CNBD1: variants seen among roughly 807,000 people sequenced by gnomAD.
CNBD1 encodes the protein cyclic nucleotide-binding domain-containing protein 1.
In CNBD1, 71 loss-of-function variants were observed where a neutral mutation model predicts 54.4. That is an observed-to-expected ratio of 1.30 (90% CI 1.08 to 1.59). CNBD1 has a LOEUF of 1.59. Among genes scored for constraint, CNBD1 ranks in the 40% most tolerant of loss-of-function variants. The pLI is 0.00. For synonymous variants in CNBD1, 182 were observed against 170.7 expected (o/e 1.07, Z -0.51); for missense variants, 659 against 518.0 (o/e 1.27, Z -2.64).
chr8:87,183,934 C>T (rs1378137505), intron 4 of CNBD1, among the ~76,000 whole-genome samples: 1 of 152,186 alleles, frequency 6.6e-6, no homozygotes, highest in Non-Finnish European at 1.5e-5. Flanking sequence ...TCCCAGTTCA[C>T]TGGCGACAAC....
chr8:87,106,921 C>CTGAGG (rs1811551366), intron 4 of CNBD1, among the ~76,000 whole-genome samples: 2 of 150,954 alleles, frequency 1.3e-5, no homozygotes, highest in African/African-American at 4.9e-5. Flanking sequence ...CCTCCACCTC[C>CTGAGG]CAAGTTCAAG....
intron 3 of CNBD1, among the ~76,000 whole-genome samples, chr8:86,913,815 G>T (rs947693201): frequency 5.3e-5 from 8 of 152,272 alleles, no homozygotes; most frequent in Non-Finnish European, 1.0e-4. Context: ...AAGCGTGGGG[G>T]TGCTGCAGGA....
In CNBD1 at chr8:87,047,434, A is replaced by G. The variant is rs533382262; in HGVS notation, c.431+107680A>G. Among the ~76,000 whole-genome samples, 341 of 152,296 alleles carry G rather than the reference A, an allele frequency of 2.2e-3. 1 individual carries two copies. The highest frequency in any genetic ancestry group is 7.8e-3 in the African/African-American group (323 of 41,558). Reference sequence around the variant, plus strand: ...CAAATTGTTCAGGGAAAACCCAGCAATTAGTCTTGCTGTATAGATGAGCAA... The same window carrying G: ...CAAATTGTTCAGGGAAAACCCAGCAGTTAGTCTTGCTGTATAGATGAGCAA... On this transcript the variant is annotated intron_variant, in intron 4 of 10. Coordinates refer to ENST00000518476, the MANE Select transcript of CNBD1 (RefSeq NM_173538.3).
chr8:86,893,277 G>A (rs1266246573), intron 2 of CNBD1, among the ~76,000 whole-genome samples: 2 of 152,136 alleles, frequency 1.3e-5, no homozygotes, highest in Admixed American at 6.5e-5. Flanking sequence ...TTGTTTAGGC[G>A]GGATTTTCTA....
intron 10 of CNBD1, among the ~76,000 whole-genome samples, chr8:87,372,991 A>G (rs985204342): frequency 2.0e-5 from 3 of 151,748 alleles, no homozygotes; most frequent in Admixed American, 6.6e-5. Flanking sequence ...TGTTACTTTA[A>G]GTAGTTTTAA....
At chr8:86,936,832 A>G (rs924424864) in intron 3 of CNBD1, among the ~76,000 whole-genome samples, 1 of 152,164 alleles carries the variant, frequency 6.6e-6, no homozygotes, top group Non-Finnish European at 1.5e-5. Context: ...GATTTTACCC[A>G]GTATCAAGTT....
intron 6 of CNBD1, among the ~76,000 whole-genome samples, chr8:87,240,065 AACACACACACAC>A (rs10608912): frequency 3.6e-3 from 527 of 146,522 alleles, no homozygotes; most frequent in Admixed American, 6.3e-3. Context: ...TCTGTGCCAA[AACACACACACAC>A]ACACACACAC....
intron 5 of CNBD1, among the ~76,000 whole-genome samples, chr8:87,226,305 C>G (rs1814489672): frequency 6.7e-6 from 1 of 150,370 alleles, no homozygotes; most frequent in South Asian, 2.1e-4. Flanking sequence ...TTTGCTCGTG[C>G]TTTTCTAGTT....
intron 4 of CNBD1, among the ~76,000 whole-genome samples, chr8:87,100,204 G>A (rs569000890): frequency 1.3e-5 from 2 of 152,134 alleles, no homozygotes; most frequent in African/African-American, 4.8e-5. Flanking sequence ...AGAAGTTTCA[G>A]TGGTGTTAGG....
intron 4 of CNBD1, among the ~76,000 whole-genome samples, chr8:87,127,296 A>G (rs1417278037): frequency 6.6e-6 from 1 of 152,096 alleles, no homozygotes; most frequent in African/African-American, 2.4e-5. Flanking sequence ...CGAACACAAT[A>G]TAGCTCTCCA....
intron 4 of CNBD1, among the ~76,000 whole-genome samples, chr8:86,988,143 G>GTTTTTTTTTTTTTTTTTTT: frequency 7.4e-6 from 1 of 134,354 alleles, no homozygotes; most frequent in Non-Finnish European, 1.6e-5. Context: ...TGGTTGATAG[G>GTTTTTTTTTTTTTTTTTTT]TTTTTTTTTT....
intron 4 of CNBD1, among the ~76,000 whole-genome samples, chr8:86,959,842 CCTT>C (rs1313675692): frequency 4.6e-5 from 7 of 152,176 alleles, no homozygotes; most frequent in Admixed American, 2.0e-4. Flanking sequence ...TCATCTGAAG[CCTT>C]CTTCTCTCCA....
chr8:87,414,404 G>A (rs1807803219), intron 2 of CNBD1, among the ~76,000 whole-genome samples: 1 of 152,038 alleles, frequency 6.6e-6, no homozygotes, highest in South Asian at 2.1e-4. Flanking sequence ...GATAGCATTA[G>A]GAGATATACC....
intron 4 of CNBD1, among the ~76,000 whole-genome samples, chr8:86,984,689 A>C (rs1808565691): frequency 6.6e-6 from 1 of 152,162 alleles, no homozygotes; most frequent in Non-Finnish European, 1.5e-5. Context: ...TTGGACTTGC[A>C]TGAGGCCTGC....
At chr8:86,890,507 T>G (rs1808752498) in intron 2 of CNBD1, among the ~76,000 whole-genome samples, 1 of 152,188 alleles carries the variant, frequency 6.6e-6, no homozygotes, top group Non-Finnish European at 1.5e-5. Flanking sequence ...TTAGGTTGAT[T>G]TCACATTTTG....
chr8:87,402,352 C>T (rs566515188), intron 2 of CNBD1, among the ~76,000 whole-genome samples: 1 of 152,010 alleles, frequency 6.6e-6, no homozygotes, highest in South Asian at 2.1e-4. Context: ...TTTCAGGAAG[C>T]ATTCTTTTTC....
At chr8:87,075,079 A>G (rs1339957377) in intron 4 of CNBD1, among the ~76,000 whole-genome samples, 1 of 152,184 alleles carries the variant, frequency 6.6e-6, no homozygotes, top group Non-Finnish European at 1.5e-5. Context: ...TATGAATATT[A>G]AATAAGTTAT....
At chr8:87,203,340 G>C (rs1563506260) in intron 4 of CNBD1, among the ~76,000 whole-genome samples, 1 of 152,026 alleles carries the variant, frequency 6.6e-6, no homozygotes, top group Non-Finnish European at 1.5e-5. Flanking sequence ...GTTTATATAT[G>C]TACACACTTA....
In CNBD1 at chr8:87,229,703, A is replaced by G. The variant is rs1009684955; in HGVS notation, c.578-7216A>G. On this transcript the variant is annotated intron_variant, in intron 5 of 10. Coordinates refer to ENST00000518476, the MANE Select transcript of CNBD1 (RefSeq NM_173538.3). ...TAAATTTTTTGTTTGAATAAGGATC[A>G]TTTTCCTTTTTTATTCTCCCCTAGT... 3.3e-5 allele frequency among the ~76,000 whole-genome samples: 5 copies of G among 152,050 alleles called. No individual in the cohort carries two copies. In the East Asian group the frequency reaches 9.6e-4, roughly 29 times the overall value.
Sources: gnomAD v4.1 joint callset for allele counts (sites outside exome capture counted in the v4.1 genomes callset) on GRCh38, gnomAD v4.1.1 for gene constraint, MANE v1.5 for transcripts, NCBI Gene and HGNC (gene_info 2026-07-23, HGNC 2026-07-21) for gene names.